Variants in ARHGAP15 observed in about 807,000 individuals in gnomAD.
ARHGAP15 encodes the protein rho GTPase-activating protein 15.
A neutral mutation model predicts 63.7 loss-of-function variants in ARHGAP15; 51 were observed. The observed-to-expected ratio is 0.80, with a 90% confidence interval of 0.64 to 1.01. ARHGAP15 has a LOEUF of 1.01. ARHGAP15 is among the 50% of genes least tolerant of loss of function. ARHGAP15 has a pLI of 0.00. For synonymous variants in ARHGAP15, 191 were observed against 193.8 expected (o/e 0.99, Z 0.12); for missense variants, 560 against 564.6 (o/e 0.99, Z 0.08).
chr2:143,462,846 G>T (rs1419733170), intron 8 of ARHGAP15, among the ~76,000 whole-genome samples: 1 of 152,118 alleles, frequency 6.6e-6, no homozygotes, highest in Non-Finnish European at 1.5e-5. Context: ...TCCAGTTGCA[G>T]GAGCTTGCTA....
intron 2 of ARHGAP15, among the ~76,000 whole-genome samples, chr2:143,200,704 G>T (rs1017055457): frequency 6.6e-6 from 1 of 151,756 alleles, no homozygotes; most frequent in Non-Finnish European, 1.5e-5. Flanking sequence ...ATGTTTTATT[G>T]TAGAATCTGT....
intron 13 of ARHGAP15, chr2:143,741,104 A>G (rs1344952456): frequency 6.6e-6 from 1 of 152,258 alleles, no homozygotes; most frequent in Non-Finnish European, 1.5e-5. Flanking sequence ...ATTGCCCAGT[A>G]GTGGTCCCTT....
chr2:143,643,668 C>T (rs1457413900), intron 12 of ARHGAP15, among the ~76,000 whole-genome samples: 1 of 150,782 alleles, frequency 6.6e-6, no homozygotes, highest in Non-Finnish European at 1.5e-5. Context: ...AAGGTGTTCA[C>T]CAACTTAAAA....
chr2:143,168,054 G>C (rs920361805), intron 2 of ARHGAP15, among the ~76,000 whole-genome samples: 1 of 152,158 alleles, frequency 6.6e-6, no homozygotes, highest in Non-Finnish European at 1.5e-5. Context: ...CATAAACTTA[G>C]AAGTGTAGTC....
chr2:143,224,300 G>T (rs1189719826), intron 4 of ARHGAP15, among the ~76,000 whole-genome samples: 1 of 152,120 alleles, frequency 6.6e-6, no homozygotes, highest in Non-Finnish European at 1.5e-5. Flanking sequence ...GAAAGGAAAA[G>T]AAATTTTTCA....
rs184905709 is a variant in ARHGAP15, at chr2:143,415,956, G to C, written c.475-19645G>C. On this transcript the variant is annotated intron_variant, in intron 6 of 13. Coordinates refer to ENST00000295095, the MANE Select transcript of ARHGAP15 (RefSeq NM_018460.4). The stretch of plus-strand genomic sequence containing the variant: ...GCAGAGGCATAAAAATGACACAATG[G>C]ACTTTGGGGACTCAAGGGGAAAGGG... Among the ~76,000 whole-genome samples, 91 of 152,048 alleles carry C rather than the reference G, an allele frequency of 6.0e-4. 2 individuals are homozygous for C. The East Asian group carries it at 0.016, about 28-fold the overall frequency.
At chr2:143,504,814 G>A (rs1411616769) in intron 9 of ARHGAP15, among the ~76,000 whole-genome samples, 1 of 152,158 alleles carries the variant, frequency 6.6e-6, no homozygotes, top group African/African-American at 2.4e-5. Flanking sequence ...AGAGTTACCT[G>A]CTTCCCTGCC....
In ARHGAP15 at chr2:143,545,182, C is replaced by T. The variant is rs142624203; in HGVS notation, c.926-11226C>T. Among the ~76,000 whole-genome samples the T allele has an allele frequency of 6.8e-4, 103 of 152,240 alleles. No individual in the cohort carries two copies. In the East Asian group the frequency reaches 0.018, roughly 27 times the overall value. On this transcript the variant is annotated intron_variant, in intron 10 of 13. Transcript: ENST00000295095. Reference sequence around the variant, plus strand: ...TTTTACGAACTCACTTGAGAGGCAGCGGCCAGGGAAGAGCTCTCTCTCACC... The same window carrying T: ...TTTTACGAACTCACTTGAGAGGCAGTGGCCAGGGAAGAGCTCTCTCTCACC...
chr2:143,681,017 CAA>C (rs1683075424), intron 12 of ARHGAP15, among the ~76,000 whole-genome samples: 2 of 152,234 alleles, frequency 1.3e-5, no homozygotes, highest in African/African-American at 2.4e-5. Flanking sequence ...CCTTTCAGTG[CAA>C]AGACACCATA....
Position 143,766,846 on chromosome 2 carries a change from G to A in ARHGAP15, c.1245-1143G>A, listed in dbSNP as rs535483221. The A allele has an allele frequency of 5.9e-5, 9 of 152,272 alleles. No homozygotes were observed. In the South Asian group the frequency reaches 8.3e-4, roughly 14 times the overall value. 9.4% of individuals were successfully genotyped at this position (152,272 alleles called of 1,614,324 possible). A position where few individuals can be genotyped will look rare whatever the true frequency, so the allele number is the denominator to read the frequency against. On this transcript the variant is annotated intron_variant, in intron 13 of 13. Coordinates refer to ENST00000295095, the MANE Select transcript of ARHGAP15 (RefSeq NM_018460.4). ...ATGGGGTTTCTGGAGAATATCCCCC[G>A]AAGATAAGCAGGGACTACTATAATA...
chr2:143,445,010 C>A (rs72853737), intron 8 of ARHGAP15, among the ~76,000 whole-genome samples: 1 of 151,686 alleles, frequency 6.6e-6, no homozygotes, highest in African/African-American at 2.4e-5. Flanking sequence ...AATAAATATA[C>A]CCTATTTGTA....
intron 11 of ARHGAP15, among the ~76,000 whole-genome samples, chr2:143,559,892 C>T (rs987570547): frequency 6.6e-6 from 1 of 152,190 alleles, no homozygotes; most frequent in African/African-American, 2.4e-5. Context: ...TGCATACCTG[C>T]CTTGTATTAA....
intron 6 of ARHGAP15, among the ~76,000 whole-genome samples, chr2:143,318,452 A>C (rs781678451): frequency 6.6e-6 from 1 of 151,242 alleles, no homozygotes. Flanking sequence ...TTATGAATCT[A>C]AAAACGGGAG....
intron 10 of ARHGAP15, among the ~76,000 whole-genome samples, chr2:143,539,324 A>G (rs1184689097): frequency 6.7e-6 from 1 of 149,194 alleles, no homozygotes; most frequent in African/African-American, 2.5e-5. Context: ...TCTTTTCAAA[A>G]AACCAGCTCC....
chr2:143,481,987 A>G (rs1007509390), intron 8 of ARHGAP15, among the ~76,000 whole-genome samples: 18 of 152,220 alleles, frequency 1.2e-4, no homozygotes, highest in Admixed American at 1.2e-3. Context: ...GAAAATTCTC[A>G]GTCTTTGAAA....
chr2:143,370,790 G>T (rs1357830117), intron 6 of ARHGAP15, among the ~76,000 whole-genome samples: 3 of 152,112 alleles, frequency 2.0e-5, no homozygotes, highest in Admixed American at 1.3e-4. Flanking sequence ...GTGATGTGTG[G>T]TATTTGAGAC....
At chr2:143,296,943 TA>T (rs1682659626) in intron 6 of ARHGAP15, among the ~76,000 whole-genome samples, 1 of 152,010 alleles carries the variant, frequency 6.6e-6, no homozygotes, top group African/African-American at 2.4e-5. Context: ...GTTAGTTTGC[TA>T]AGGATAATAG....
At chr2:143,390,057 A>G (rs1687471061) in intron 6 of ARHGAP15, among the ~76,000 whole-genome samples, 1 of 151,322 alleles carries the variant, frequency 6.6e-6, no homozygotes. Flanking sequence ...CTTTTTAGTT[A>G]TTTAAAAGTA....
chr2:143,559,346 A>G (rs1170772993), intron 11 of ARHGAP15, among the ~76,000 whole-genome samples: 1 of 152,214 alleles, frequency 6.6e-6, no homozygotes, highest in Admixed American at 6.5e-5. Flanking sequence ...GAGGCTATGT[A>G]ACTGCTCATG....
Sources: allele counts gnomAD v4.1 joint callset (sites outside exome capture counted in the v4.1 genomes callset), GRCh38; gene constraint gnomAD v4.1.1; transcripts MANE v1.5; gene names NCBI Gene and HGNC (gene_info 2026-07-23, HGNC 2026-07-21).